The following PPP6R3 variants were observed in gnomAD, a reference collection of about 807,000 sequenced individuals.
PPP6R3 encodes the protein serine/threonine-protein phosphatase 6 regulatory subunit 3.
PPP6R3 carries 38 observed loss-of-function variants against 110.7 expected under a neutral mutation model. That is an observed-to-expected ratio of 0.34 (90% CI 0.26 to 0.45). The LOEUF is 0.45. Ranked by LOEUF, PPP6R3 falls within the 20% of genes least tolerant of loss-of-function variation. The pLI is 1.00. For missense variants in PPP6R3, 870 were observed against 1,062.4 expected, an observed-to-expected ratio of 0.82 and a Z score of 2.52; for synonymous variants, 369 against 373.5, an observed-to-expected ratio of 0.99 and a Z score of 0.14.
intron 12 of PPP6R3, among the ~76,000 whole-genome samples, chr11:68,572,789 C>A (rs2099512587): frequency 6.6e-6 from 1 of 152,022 alleles, no homozygotes; most frequent in South Asian, 2.1e-4. Context: ...CTGCAATGAG[C>A]TGTGATTGCA....
intron 18 of PPP6R3, among the ~76,000 whole-genome samples, chr11:68,593,144 T>C (rs1329601941): frequency 6.6e-6 from 1 of 152,212 alleles, no homozygotes; most frequent in East Asian, 1.9e-4. Context: ...AATTTAACCA[T>C]CACCCCAAAA....
At position 68,596,133 on chromosome 11, in the gene PPP6R3, TGAA is replaced by T. The variant is rs1566099761; in HGVS notation, c.1962_1964del (p.Glu654del). ...CAGACAGTGAGGAAAGTACAGACTC[TGAA>T]GAAGAAGATGGAGCAAAGCAAGACT... On this transcript the variant is annotated inframe_deletion, in exon 19 of 24. Transcript: ENST00000393800. 4 of 1,614,214 alleles carry T rather than the reference TGAA, an allele frequency of 2.5e-6. No homozygotes were observed. Among genetic ancestry groups the T allele is most frequent in the East Asian group, 2.2e-5 (1 of 44,896 alleles).
At chr11:68,566,170 A>T (rs1400699608) in intron 9 of PPP6R3, among the ~76,000 whole-genome samples, 1 of 152,122 alleles carries the variant, frequency 6.6e-6, no homozygotes, top group Admixed American at 6.6e-5. Flanking sequence ...TTTATCACAG[A>T]TTTGGCTCAG....
chr11:68,583,051 C>G lies in PPP6R3; in HGVS notation c.1554C>G (p.Thr518=), dbSNP rs546419838. The G allele has an allele frequency of 4.6e-6, 7 of 1,536,210 alleles. No homozygotes were observed. The highest frequency in any genetic ancestry group is 2.0e-5 in the Admixed American group (1 of 49,290). The change falls in exon 15 of 24, where the codon ACC becomes ACG. Residue 518 remains threonine (T), a synonymous_variant. Coordinates refer to ENST00000393800, the MANE Select transcript of PPP6R3 (RefSeq NM_001164161.2). ...NKRNTVDLVT[T]CHIHSSSDDE... Reference sequence around the variant, plus strand: ...CATTTTTATGCATATAGGTTACAACCTGCCATATTCATTCATCCAGTGATG... The same window carrying G: ...CATTTTTATGCATATAGGTTACAACGTGCCATATTCATTCATCCAGTGATG...
intron 8 of PPP6R3, 118 bp from the exon 9 acceptor site, chr11:68,564,185 C>T (rs760138573): frequency 3.5e-5 from 39 of 1,111,242 alleles, no homozygotes; most frequent in Non-Finnish European, 2.8e-5. Flanking sequence ...TTTTCCTAGC[C>T]TTTTTTCCCG....
At chr11:68,584,402 C>G (rs982410215) in intron 15 of PPP6R3, among the ~76,000 whole-genome samples, 2 of 152,170 alleles carry the variant, frequency 1.3e-5, no homozygotes, top group African/African-American at 4.8e-5. Flanking sequence ...CTGAAATAGT[C>G]CACCCAGTTG....
chr11:68,596,285 A>C, intron 19 of PPP6R3, 67 bp downstream of exon 19: 1 of 1,597,138 alleles, frequency 6.3e-7, no homozygotes, highest in East Asian at 2.2e-5. Context: ...CAATTGGCAA[A>C]GGAGCAGTTC....
In PPP6R3 at chr11:68,493,421, G is replaced by T. The variant is rs1325364940; in HGVS notation, c.-157-26080G>T. ...TGTCATGAGATTATGTAATCAAAAG[G>T]TGCTGCCATTTTTAATTTTTAATTT... On this transcript the variant is annotated intron_variant, in intron 1 of 23. Transcript: ENST00000393800. 3.3e-5 allele frequency among the ~76,000 whole-genome samples: 5 copies of T among 151,390 alleles called. No homozygotes were observed. In the East Asian group the frequency reaches 9.7e-4, roughly 29 times the overall value.
intron 1 of PPP6R3, among the ~76,000 whole-genome samples, chr11:68,479,280 G>A (rs1262041521): frequency 2.6e-5 from 4 of 152,156 alleles, no homozygotes; most frequent in Non-Finnish European, 5.9e-5. Flanking sequence ...GATGCAGGGG[G>A]CTGGGAGGGT....
intron 20 of PPP6R3, among the ~76,000 whole-genome samples, chr11:68,600,886 G>A (rs1441451191): frequency 6.6e-6 from 1 of 152,164 alleles, no homozygotes; most frequent in East Asian, 1.9e-4. Context: ...CTCTGTGTGG[G>A]GTGTGGCAGG....
At chr11:68,552,667 T>A (rs1277391166) in intron 6 of PPP6R3, among the ~76,000 whole-genome samples, 1 of 152,168 alleles carries the variant, frequency 6.6e-6, no homozygotes, top group Non-Finnish European at 1.5e-5. Context: ...CAGTGTGGCC[T>A]GTGCAGGCCG....
chr11:68,606,630 C>T (rs1483900522), intron 22 of PPP6R3, among the ~76,000 whole-genome samples: 4 of 152,088 alleles, frequency 2.6e-5, no homozygotes, highest in South Asian at 2.1e-4. Flanking sequence ...ATTTCATTAA[C>T]TTGGTATAAG....
intron 3 of PPP6R3, among the ~76,000 whole-genome samples, chr11:68,541,075 C>T (rs1488854253): frequency 1.3e-5 from 2 of 152,272 alleles, no homozygotes; most frequent in East Asian, 3.9e-4. Flanking sequence ...GATAAGTGTC[C>T]ATGAAATCTT....
chr11:68,567,152 A>C lies in PPP6R3; in HGVS notation c.1114A>C (p.Ile372Leu). The C allele has an allele frequency of 6.5e-7, 1 of 1,544,438 alleles. No individual in the cohort carries two copies. Among genetic ancestry groups the C allele is most frequent in the Non-Finnish European group, 8.7e-7 (1 of 1,144,614 alleles). Residue 372 changes from isoleucine to leucine, a missense_variant, in exon 10 of 24, where the codon ATT (isoleucine) becomes CTT (leucine). By Grantham distance (5) the Ile-to-Leu change is conservative. Coordinates refer to ENST00000393800, the MANE Select transcript of PPP6R3 (RefSeq NM_001164161.2). ...INGDLMELNS[I>L]GVILNMFFKY... ...TGGGGACCTTATGGAGCTGAATAGC[A>C]TTGGAGTCATATTGGTGAGATTTTC...
chr11:68,587,848 C>A, intron 15 of PPP6R3, 79 bp from the exon 16 acceptor site: 2 of 1,204,196 alleles, frequency 1.7e-6, no homozygotes, highest in Non-Finnish European at 2.5e-6. Context: ...AAGATGATTT[C>A]TGGAACACAA....
At chr11:68,570,847 G>T (rs977986302) in intron 11 of PPP6R3, among the ~76,000 whole-genome samples, 193 bp from the exon 12 acceptor site, 1 of 152,182 alleles carries the variant, frequency 6.6e-6, no homozygotes, top group Admixed American at 6.5e-5. Context: ...TGTGGAGGGT[G>T]TGGATCCTGA....
intron 22 of PPP6R3, among the ~76,000 whole-genome samples, chr11:68,604,236 A>G (rs1938110521): frequency 6.6e-6 from 1 of 152,266 alleles, no homozygotes; most frequent in Non-Finnish European, 1.5e-5. Flanking sequence ...AAATGTAGCA[A>G]TGTATTTTAA....
At chr11:68,563,080 A>G (rs1426045900) in intron 8 of PPP6R3, among the ~76,000 whole-genome samples, 1 of 150,360 alleles carries the variant, frequency 6.7e-6, no homozygotes, top group Non-Finnish European at 1.5e-5. Context: ...GGGGAGGATC[A>G]CTTGAGAAGG....
chr11:68,587,541 T>G, intron 15 of PPP6R3: 1 of 240,866 alleles, frequency 4.2e-6, no homozygotes, highest in Admixed American at 5.4e-5. Context: ...GGTCACCACT[T>G]GTTGGATCTT....
Sources: gnomAD v4.1 joint callset for allele counts (sites outside exome capture counted in the v4.1 genomes callset) on GRCh38, gnomAD v4.1.1 for gene constraint, MANE v1.5 for transcripts, NCBI Gene and HGNC (gene_info 2026-07-23, HGNC 2026-07-21) for gene names.